The following IRF6 variants were observed in gnomAD, a reference collection of about 807,000 sequenced individuals.
IRF6 encodes Van der Woude syndrome.
Under a neutral mutation model 51.4 loss-of-function variants are expected in IRF6, and 6 were observed. The ratio of observed to expected loss-of-function variants is 0.12; its 90% CI spans 0.06 to 0.23. The LOEUF (loss-of-function observed/expected upper bound fraction) is 0.23, where lower values mean the gene tolerates loss of function less well. IRF6 is among the 10% of genes least tolerant of loss of function. IRF6 has a pLI of 1.00. For missense variants in IRF6, 348 were observed against 585.2 expected (o/e 0.59, Z 4.18); for synonymous variants, 178 against 215.7 (o/e 0.83, Z 1.53).
chr1:209,792,951 G>A (rs2077878057), intron 5 of IRF6, among the ~76,000 whole-genome samples: 1 of 152,088 alleles, frequency 6.6e-6, no homozygotes, highest in South Asian at 2.1e-4. Context: ...TCAGGGACAG[G>A]ATAGAAGGAA....
chr1:209,801,300 A>T lies in IRF6; in HGVS notation c.114T>A (p.Ile38=). 1.2e-6 allele frequency: 2 copies of T among 1,613,940 alleles called. No individual in the cohort carries two copies. The highest frequency in any genetic ancestry group is 1.1e-5 in the South Asian group (1 of 91,082). The part of the protein sequence containing the change: ...WLHRDSKRFQ[I]PWKHATRHSP... ...TATGCCGGGTGGCATGTTTCCAGGG[A>T]ATCTGGAAGCGTTTAGAGTCCCTGT... The change falls in exon 3 of 9, where the codon ATT becomes ATA. Residue 38 remains isoleucine (I), a synonymous_variant. Coordinates refer to ENST00000367021, the MANE Select transcript of IRF6 (RefSeq NM_006147.4).
chr1:209,788,730 C>A, intron 8 of IRF6, 86 bp from the exon 9 acceptor site: 1 of 1,024,860 alleles, frequency 9.8e-7, no homozygotes, highest in Non-Finnish European at 1.5e-6. Flanking sequence ...AAGGACAGAC[C>A]AAAGAGGCCC....
chr1:209,795,810 G>A (rs1267667772), intron 4 of IRF6, among the ~76,000 whole-genome samples: 2 of 150,428 alleles, frequency 1.3e-5, no homozygotes, highest in East Asian at 4.0e-4. Context: ...CAACGAATAT[G>A]TACAATTATT....
At chr1:209,798,989 A>G (rs914325659) in intron 3 of IRF6, among the ~76,000 whole-genome samples, 1 of 151,916 alleles carries the variant, frequency 6.6e-6, no homozygotes, top group Admixed American at 6.6e-5. Context: ...ATTTATAAAC[A>G]TCACTTGTTC....
At chr1:209,795,452 T>C (rs781507575) in intron 4 of IRF6, 34 bp from the exon 5 acceptor site, 2 of 1,612,440 alleles carry the variant, frequency 1.2e-6, no homozygotes, top group Admixed American at 1.7e-5. Flanking sequence ...AGGTGAGCCA[T>C]TCAGGTTGCA....
At chr1:209,804,678 T>C (rs180713661) in intron 1 of IRF6, among the ~76,000 whole-genome samples, 34 of 152,280 alleles carry the variant, frequency 2.2e-4, no homozygotes, top group Admixed American at 2.2e-3. Flanking sequence ...ACAGTGAGCA[T>C]AGAGGAGGGA....
chr1:209,805,530 T>A (rs1433904233), intron 1 of IRF6, among the ~76,000 whole-genome samples: 3 of 152,086 alleles, frequency 2.0e-5, no homozygotes, highest in Non-Finnish European at 2.9e-5. Flanking sequence ...CCACCCTCAC[T>A]CCAGTTTCCC....
Position 209,798,636 on chromosome 1 carries a change from C to T in IRF6, c.175-2084G>A, listed in dbSNP as rs111311728. On this transcript the variant is annotated intron_variant, in intron 3 of 8. Transcript: ENST00000367021. Reference sequence around the variant, plus strand: ...TTTAGAATCAAGAAAGGAGGCCAGGCGCGGTGGCTCATGCCTGTAATCCCA... The same window carrying T: ...TTTAGAATCAAGAAAGGAGGCCAGGTGCGGTGGCTCATGCCTGTAATCCCA... Among the ~76,000 whole-genome samples, 6 of 152,176 alleles carry T rather than the reference C, an allele frequency of 3.9e-5. No homozygotes were observed. In the East Asian group the frequency reaches 5.8e-4, roughly 15 times the overall value.
intron 5 of IRF6, among the ~76,000 whole-genome samples, chr1:209,794,075 T>C (rs2077886282): frequency 6.6e-6 from 1 of 152,190 alleles, no homozygotes; most frequent in Admixed American, 6.5e-5. Context: ...TTATATTCTT[T>C]TGGGTATATA....
At position 209,788,401 on chromosome 1, in the gene IRF6, A is replaced by G. The variant is rs2077847035; in HGVS notation, c.*19T>C. ...GTACAATATTATAAAAAAGAGAAGG[A>G]AGAAGATGGCATTCACAATTACTGG... On this transcript the variant is annotated 3_prime_UTR_variant, in exon 9 of 9. Coordinates refer to ENST00000367021, the MANE Select transcript of IRF6 (RefSeq NM_006147.4). 1.4e-6 allele frequency: 2 copies of G among 1,472,786 alleles called. No individual in the cohort carries two copies. The highest frequency in any genetic ancestry group is 4.5e-5 in the East Asian group (2 of 44,210). The allele number at this position is 1,472,786 out of a possible 1,614,324, so 91.2% of individuals were successfully genotyped here.
rs145873101 is a variant in IRF6, at chr1:209,789,599, A to G, written c.1179+68T>C. Reference sequence around the variant, plus strand: ...CTGATGGATGCTTGATGAGGGCTCAACCCAGACCTGGGGGCTTAAGCATTG... The same window carrying G: ...CTGATGGATGCTTGATGAGGGCTCAGCCCAGACCTGGGGGCTTAAGCATTG... On this transcript the variant is annotated intron_variant, in intron 8 of 8. Transcript: ENST00000367021. 8,931 of 1,149,364 alleles carry G rather than the reference A, an allele frequency of 7.8e-3. 57 individuals are homozygous for G. Among genetic ancestry groups the G allele is most frequent in the Non-Finnish European group, 0.01 (7,865 of 757,690 alleles). 71.2% of individuals were successfully genotyped at this position (1,149,364 alleles called of 1,614,324 possible). A position where few individuals can be genotyped will look rare whatever the true frequency, so the allele number is the denominator to read the frequency against.
intron 5 of IRF6, chr1:209,793,266 C>A (rs140096319): frequency 6.6e-6 from 1 of 152,130 alleles, no homozygotes; most frequent in Non-Finnish European, 1.5e-5. Context: ...AGTGCAATGG[C>A]ACTCTGGTTA....
chr1:209,795,418 C>G lies in IRF6; in HGVS notation c.380G>C (p.Gly127Ala), dbSNP rs1291766475. Residue 127 changes from glycine to alanine, a missense_variant and splice_region_variant, in exon 5 of 9, where the codon GGA (glycine) becomes GCA (alanine). Gly to Ala is a moderately conservative substitution (Grantham distance 60, BLOSUM62 0). This residue lies in a region of IRF6 where 124 missense variants were observed against 141.6 expected (regional missense o/e 0.88). Transcript: ENST00000367021. The part of the protein sequence containing the change: ...PQPQGSIINP[G>A]STGSAPWDEK... ...ATCCCAGGGAGCAGACCCTGTGGAT[C>G]CTACCCAAGATACACAAGCTCGCAG... 1 of 1,614,060 alleles carries G rather than the reference C, an allele frequency of 6.2e-7. No individual in the cohort carries two copies. The highest frequency in any genetic ancestry group is 1.3e-5 in the African/African-American group (1 of 75,058).
intron 6 of IRF6, among the ~76,000 whole-genome samples, chr1:209,791,412 A>G (rs2077868393): frequency 6.6e-6 from 1 of 152,240 alleles, no homozygotes; most frequent in Non-Finnish European, 1.5e-5. Flanking sequence ...GCAAATCTCC[A>G]TTGAACCCAA....
At chr1:209,789,815 T>C (rs2077858391) in intron 7 of IRF6, 30 bp from the exon 8 acceptor site, 1 of 1,448,256 alleles carries the variant, frequency 6.9e-7, no homozygotes, top group African/African-American at 1.4e-5. Context: ...AAGTTTGGTA[T>C]ACTGGGTCAT....
intron 6 of IRF6, chr1:209,791,139 C>T: frequency 1.3e-6 from 1 of 756,992 alleles, no homozygotes; most frequent in Non-Finnish European, 1.6e-6. Flanking sequence ...ACCCCAAAGG[C>T]TACAATTGCA....
intron 5 of IRF6, 151 bp downstream of exon 5, chr1:209,795,139 C>T: frequency 1.1e-6 from 1 of 916,890 alleles, no homozygotes; most frequent in South Asian, 1.3e-5. Context: ...GAGTTCCTCA[C>T]CTCTGACTCC....
chr1:209,795,448 G>A (rs757584574), intron 4 of IRF6, 30 bp from the exon 5 acceptor site: 9 of 1,612,622 alleles, frequency 5.6e-6, no homozygotes, highest in South Asian at 2.2e-5. Flanking sequence ...TCGCAGGTGA[G>A]CCATTCAGGT....
chr1:209,792,123 G>T, intron 6 of IRF6, 146 bp downstream of exon 6: 1 of 866,754 alleles, frequency 1.2e-6, no homozygotes, highest in Non-Finnish European at 1.8e-6. Context: ...GGTGACTCAT[G>T]GGCTAGCCAG....
Sources: gnomAD v4.1 joint callset for allele counts (sites outside exome capture counted in the v4.1 genomes callset) on GRCh38, gnomAD v4.1.1 for gene constraint, gnomAD v4.1.1 regional missense constraint, MANE v1.5 for transcripts, NCBI Gene and HGNC (gene_info 2026-07-23, HGNC 2026-07-21) for gene names.